The following MYO18B variants were observed in gnomAD, a reference collection of about 807,000 sequenced individuals.
MYO18B encodes the protein myosin XVIIIB.
MYO18B carries 204 observed loss-of-function variants against 273.0 expected under a neutral mutation model. The observed-to-expected ratio is 0.75, with a 90% CI of 0.67 to 0.84. MYO18B has a LOEUF of 0.84. MYO18B is among the 40% of genes least tolerant of loss of function. The pLI, the probability that MYO18B is intolerant of heterozygous loss-of-function variation, is 0.00. For missense variants in MYO18B, 3,212 were observed against 3,287.6 expected, an observed-to-expected ratio of 0.98 and a Z score of 0.56; for synonymous variants, 1,330 against 1,305.7, an observed-to-expected ratio of 1.02 and a Z score of -0.40.
At chr22:26,061,305 G>A in the MYO18B span, among the ~76,000 whole-genome samples, 1 of 152,092 alleles carries the variant, frequency 6.6e-6, no homozygotes, top group Non-Finnish European at 1.5e-5. Flanking sequence ...ATTTGTTTCT[G>A]TTTTGTTGGT....
chr22:25,939,627 A>G (rs559365425), intron 34 of MYO18B, among the ~76,000 whole-genome samples: 1 of 152,292 alleles, frequency 6.6e-6, no homozygotes, highest in South Asian at 2.1e-4. Flanking sequence ...GCACCATCAA[A>G]GCACATGGAT....
chr22:25,877,877 T>C, intron 24 of MYO18B, 82 bp from the exon 25 acceptor site: 2 of 1,079,256 alleles, frequency 1.9e-6, no homozygotes, highest in Non-Finnish European at 2.7e-6. Flanking sequence ...ACGGAAACTT[T>C]GTGCCGTTTG....
intron 39 of MYO18B, among the ~76,000 whole-genome samples, chr22:25,962,940 A>C (rs573901935): frequency 6.6e-6 from 1 of 151,324 alleles, no homozygotes; most frequent in East Asian, 2.0e-4. Context: ...ATAAACACAG[A>C]CTCTTCACCC....
At chr22:25,955,423 C>T in intron 39 of MYO18B, 59 bp downstream of exon 39, 2 of 1,520,262 alleles carry the variant, frequency 1.3e-6, no homozygotes, top group South Asian at 1.3e-5. Context: ...GTGGTAGACC[C>T]CCCTTTCTTA....
intron 40 of MYO18B, among the ~76,000 whole-genome samples, chr22:25,996,349 T>C (rs1430851763): frequency 6.6e-6 from 1 of 152,200 alleles, no homozygotes; most frequent in Non-Finnish European, 1.5e-5. Context: ...CGAGATGCTG[T>C]GTTAAGTGCT....
chr22:25,971,550 A>C (rs549696387), intron 39 of MYO18B, among the ~76,000 whole-genome samples: 1 of 152,338 alleles, frequency 6.6e-6, no homozygotes, highest in South Asian at 2.1e-4. Context: ...TCAGTGATGC[A>C]GATCTTTTTG....
At position 25,952,307 on chromosome 22, in the gene MYO18B, A is replaced by T; in HGVS notation, c.5854A>T (p.Ile1952Phe). 1 of 1,610,824 alleles carries T rather than the reference A, an allele frequency of 6.2e-7. No homozygotes were observed. Among genetic ancestry groups the T allele is most frequent in the South Asian group, 1.1e-5 (1 of 90,164 alleles). Reference protein sequence around the residue: ...QEQLQVAQMRIEYLEQSTVDR... With the variant: ...QEQLQVAQMRFEYLEQSTVDR... The stretch of plus-strand genomic sequence containing the variant: ...ACAGCTGCAGGTGGCTCAGATGCGC[A>T]TCGAGTACCTGGAACAGTCCACCGT... Residue 1952 changes from isoleucine to phenylalanine, a missense_variant, in exon 38 of 44, where the codon ATC (isoleucine) becomes TTC (phenylalanine). Coordinates refer to ENST00000335473, the MANE Select transcript of MYO18B (RefSeq NM_032608.7).
intron 40 of MYO18B, 91 bp downstream of exon 40, chr22:25,992,584 T>C (rs2093281616): frequency 1.3e-5 from 20 of 1,543,970 alleles, no homozygotes; most frequent in Non-Finnish European, 1.8e-5. Flanking sequence ...GGGGCCACAT[T>C]CACTGGGAAA....
At chr22:25,763,518 T>C in intron 3 of MYO18B, 129 bp downstream of exon 3, 2 of 1,117,890 alleles carry the variant, frequency 1.8e-6, no homozygotes, top group Non-Finnish European at 2.5e-6. Context: ...ATGTCCTTTA[T>C]TCAACTTGAT....
At position 25,851,534 on chromosome 22, in the gene MYO18B, C is replaced by A. The variant is rs765196788; in HGVS notation, c.3840C>A (p.Leu1280=). ...RRQFQVLDAP[L]LKKLMSTSEG... ...AATTCCAGGTGCTGGACGCTCCACT[C>A]CTGAAGAAGCTCATGTCGACCTCCG... Residue 1280 remains leucine (L), a synonymous_variant, in exon 21 of 44, where the codon CTC becomes CTA. Coordinates refer to ENST00000335473, the MANE Select transcript of MYO18B (RefSeq NM_032608.7). 2 of 1,561,162 alleles carry A rather than the reference C, an allele frequency of 1.3e-6. No individual in the cohort carries two copies. The highest frequency in any genetic ancestry group is 8.7e-7 in the Non-Finnish European group (1 of 1,152,198).
chr22:25,977,174 C>T (rs546568966), intron 39 of MYO18B, among the ~76,000 whole-genome samples: 5 of 152,144 alleles, frequency 3.3e-5, no homozygotes, highest in South Asian at 2.1e-4. Flanking sequence ...TTCTCATATC[C>T]GTGCTGTTTC....
intron 11 of MYO18B, among the ~76,000 whole-genome samples, chr22:25,789,105 CTCCTCCTCCTCCTCCTCCTCT>C (rs1344810124): frequency 2.6e-4 from 8 of 31,192 alleles, no homozygotes; most frequent in African/African-American, 4.4e-4. Flanking sequence ...CTTCTTCCTC[CTCCTCCTCCTCCTCCTCCTCT>C]TCCTCCTCCT....
chr22:25,782,556 C>T (rs1176650768), intron 10 of MYO18B, among the ~76,000 whole-genome samples: 2 of 152,190 alleles, frequency 1.3e-5, no homozygotes, highest in Non-Finnish European at 2.9e-5. Flanking sequence ...GGCTTCCTCT[C>T]CCAGAGCCTT....
chr22:25,960,861 T>A (rs2092910527), intron 39 of MYO18B, among the ~76,000 whole-genome samples: 1 of 152,138 alleles, frequency 6.6e-6, no homozygotes, highest in East Asian at 1.9e-4. Flanking sequence ...AAGAAATCTT[T>A]TATGGGGCCG....
chr22:26,056,863 G>A, the MYO18B span, among the ~76,000 whole-genome samples: 788 of 152,274 alleles, frequency 5.2e-3, 5 homozygotes, highest in African/African-American at 0.016. Context: ...GGGCCCGAGC[G>A]CTCACTGCTA....
intron 42 of MYO18B, among the ~76,000 whole-genome samples, chr22:26,008,752 GC>G (rs1419424843): frequency 6.6e-6 from 1 of 152,158 alleles, no homozygotes; most frequent in Non-Finnish European, 1.5e-5. Flanking sequence ...TGGTGCCTGG[GC>G]TGTCCAGGGT....
intron 12 of MYO18B, among the ~76,000 whole-genome samples, chr22:25,812,728 A>G (rs950689639): frequency 2.6e-5 from 4 of 152,136 alleles, no homozygotes; most frequent in African/African-American, 9.7e-5. Flanking sequence ...TCACTTGCCC[A>G]CTTGGCCCTA....
intron 7 of MYO18B, among the ~76,000 whole-genome samples, chr22:25,774,132 AG>A (rs200013283): frequency 0.016 from 2,366 of 152,304 alleles, 57 homozygotes; most frequent in African/African-American, 0.053. Flanking sequence ...CTAGTCCCTG[AG>A]GCAATGCTAA....
At chr22:25,890,369 T>C (rs1374890042) in intron 25 of MYO18B, among the ~76,000 whole-genome samples, 2 of 152,232 alleles carry the variant, frequency 1.3e-5, no homozygotes, top group Non-Finnish European at 2.9e-5. Context: ...GATGATTTGC[T>C]AAAAGCTGGT....
Sources: allele counts gnomAD v4.1 joint callset (sites outside exome capture counted in the v4.1 genomes callset), GRCh38; gene constraint gnomAD v4.1.1; transcripts MANE v1.5; gene names NCBI Gene and HGNC (gene_info 2026-07-23, HGNC 2026-07-21).